The following FBXL13 variants were observed in gnomAD, a reference collection of about 807,000 sequenced individuals.
FBXL13 encodes F-box and leucine rich repeat protein 13.
FBXL13 carries 67 observed loss-of-function variants against 83.6 expected under a neutral mutation model. The ratio of observed to expected loss-of-function variants is 0.80; its 90% CI spans 0.66 to 0.98. FBXL13 has a LOEUF of 0.98. Among genes scored for constraint, FBXL13 ranks in the 50% least tolerant of loss-of-function variants. The pLI is 0.00. For missense variants in FBXL13, 822 were observed against 866.5 expected (o/e 0.95, Z 0.64); for synonymous variants, 272 against 299.5 (o/e 0.91, Z 0.95).
At chr7:102,991,428 T>C (rs577204271) in intron 6 of FBXL13, among the ~76,000 whole-genome samples, 1 of 152,202 alleles carries the variant, frequency 6.6e-6, no homozygotes, top group South Asian at 2.1e-4. Context: ...AGTGGGCAGG[T>C]GGGAGGTAGT....
intron 2 of FBXL13, among the ~76,000 whole-genome samples, chr7:103,038,472 A>G (rs1200362283): frequency 1.3e-5 from 2 of 152,222 alleles, no homozygotes; most frequent in East Asian, 1.9e-4. Flanking sequence ...TTCTCTCAGC[A>G]CGGCGTTCAA....
intron 8 of FBXL13, among the ~76,000 whole-genome samples, chr7:102,948,773 A>G (rs1822948921): frequency 6.6e-6 from 1 of 151,428 alleles, no homozygotes; most frequent in African/African-American, 2.4e-5. Context: ...GTGCAGTGGC[A>G]TGATCTTGGC....
chr7:102,983,422 CTTTT>C (rs372458751), intron 6 of FBXL13, among the ~76,000 whole-genome samples: 2 of 111,560 alleles, frequency 1.8e-5, no homozygotes, highest in Admixed American at 1.9e-4. Context: ...CTTTTTTCCC[CTTTT>C]TTTTTTTTTT....
intron 11 of FBXL13, among the ~76,000 whole-genome samples, chr7:102,912,676 C>T (rs1018920977): frequency 2.2e-5 from 3 of 134,564 alleles, no homozygotes; most frequent in East Asian, 4.9e-4. Flanking sequence ...ATTTTACCCC[C>T]CCCCCCCCAA....
chr7:102,876,361 G>A (rs1272129193), intron 16 of FBXL13, among the ~76,000 whole-genome samples: 1 of 152,118 alleles, frequency 6.6e-6, no homozygotes, highest in East Asian at 1.9e-4. Flanking sequence ...CACTGACCCT[G>A]CCATAATGAG....
At chr7:102,906,951 GTTT>G (rs996345122) in intron 11 of FBXL13, among the ~76,000 whole-genome samples, 1 of 151,078 alleles carries the variant, frequency 6.6e-6, no homozygotes, top group Non-Finnish European at 1.5e-5. Context: ...GTTTGATTGG[GTTT>G]TTTTTGTTTG....
chr7:102,871,375 T>A (rs181751357), intron 16 of FBXL13, among the ~76,000 whole-genome samples: 308 of 151,630 alleles, frequency 2.0e-3, no homozygotes, highest in African/African-American at 5.2e-3. Flanking sequence ...AGCCAGATTT[T>A]AAAAAAAAAA....
chr7:102,959,998 GTA>G (rs1196216540), intron 8 of FBXL13, among the ~76,000 whole-genome samples: 2 of 152,022 alleles, frequency 1.3e-5, no homozygotes, highest in Non-Finnish European at 2.9e-5. Context: ...ATATAGAAAT[GTA>G]TTTTAGAAAA....
chr7:103,054,748 A>T (rs562533801), intron 2 of FBXL13, among the ~76,000 whole-genome samples: 1 of 152,344 alleles, frequency 6.6e-6, no homozygotes, highest in East Asian at 1.9e-4. Context: ...AGGAAAGAAA[A>T]CATCCTCTTG....
At chr7:103,072,794 TATG>T (rs1467757509) in intron 1 of FBXL13, among the ~76,000 whole-genome samples, 1 of 152,258 alleles carries the variant, frequency 6.6e-6, no homozygotes, top group Non-Finnish European at 1.5e-5. Flanking sequence ...CATGTATCAG[TATG>T]ATATCCTTTT....
At chr7:102,915,026 C>T (rs142426758) in intron 10 of FBXL13, among the ~76,000 whole-genome samples, 19 of 152,108 alleles carry the variant, frequency 1.2e-4, no homozygotes, top group East Asian at 1.9e-4. Flanking sequence ...TTTTTGAATC[C>T]GGCCAAATGA....
rs117947809 is a variant in FBXL13, at chr7:102,849,250, T to C, written c.1719+5527A>G. On this transcript the variant is annotated intron_variant, in intron 17 of 19. Transcript: ENST00000313221. Reference sequence around the variant, plus strand: ...GCCTTTCAAGAGCACCAAATAATTTTAGTGTAACATAATCATTGAATGTCT... The same window carrying C: ...GCCTTTCAAGAGCACCAAATAATTTCAGTGTAACATAATCATTGAATGTCT... 2.1e-3 allele frequency among the ~76,000 whole-genome samples: 318 copies of C among 152,298 alleles called. 10 individuals are homozygous for C. In the East Asian group the frequency reaches 0.045, roughly 21 times the overall value.
At chr7:102,966,408 T>C (rs1825970128) in intron 7 of FBXL13, among the ~76,000 whole-genome samples, 2 of 152,198 alleles carry the variant, frequency 1.3e-5, no homozygotes, top group African/African-American at 4.8e-5. Flanking sequence ...AAGTAATAAA[T>C]CTCTAAATTA....
rs753788474 is a variant in FBXL13, at chr7:103,028,542, T to TTTATTATTA, written c.217+57_217+58insTAATAATAA. ...ACCCAAAGTATGCTTAACTGTTAGT[T>TTTATTATTA]TTTTTATTATTTCAATAAATGGATA... On this transcript the variant is annotated intron_variant, in intron 4 of 19. Transcript: ENST00000313221. 688 of 1,300,458 alleles carry TTTATTATTA rather than the reference T, an allele frequency of 5.3e-4. 2 individuals are homozygous for TTTATTATTA. Among genetic ancestry groups the TTTATTATTA allele is most frequent in the Non-Finnish European group, 6.6e-4 (647 of 974,788 alleles). 80.6% of individuals were successfully genotyped at this position (1,300,458 alleles called of 1,614,324 possible).
At chr7:103,029,443 A>T in intron 2 of FBXL13, 25 bp from the exon 4 acceptor site, 6 of 1,282,070 alleles carry the variant, frequency 4.7e-6, no homozygotes, top group Non-Finnish European at 5.3e-6. Context: ...TAATTGAAAT[A>T]ACAAATATTA....
intron 14 of FBXL13, among the ~76,000 whole-genome samples, chr7:102,882,077 C>A (rs78876720): frequency 0.033 from 5,049 of 152,132 alleles, 236 homozygotes; most frequent in East Asian, 0.16. Flanking sequence ...CCTGGGCAAT[C>A]TAGTGAGACC....
At chr7:102,852,926 G>A (rs533408172) in intron 17 of FBXL13, among the ~76,000 whole-genome samples, 5 of 152,240 alleles carry the variant, frequency 3.3e-5, no homozygotes, top group African/African-American at 4.8e-5. Flanking sequence ...TTGCAAAATC[G>A]GGGAACTAAC....
At chr7:102,997,428 A>G (rs781584767) in intron 6 of FBXL13, among the ~76,000 whole-genome samples, 3 of 152,172 alleles carry the variant, frequency 2.0e-5, no homozygotes, top group Non-Finnish European at 4.4e-5. Context: ...GGAAGACTCC[A>G]GTTCTTCTCT....
chr7:102,901,562 C>G (rs1173357279), intron 11 of FBXL13, among the ~76,000 whole-genome samples: 1 of 152,212 alleles, frequency 6.6e-6, no homozygotes, highest in Non-Finnish European at 1.5e-5. Context: ...GCCCCATTAT[C>G]CTTCCCAGCC....
Sources: gnomAD v4.1 joint callset for allele counts (sites outside exome capture counted in the v4.1 genomes callset) on GRCh38, gnomAD v4.1.1 for gene constraint, MANE v1.5 for transcripts, NCBI Gene and HGNC (gene_info 2026-07-23, HGNC 2026-07-21) for gene names.